The following CSMD1 variants were observed in gnomAD, a reference collection of about 807,000 sequenced individuals.
CSMD1 encodes CUB and sushi domain-containing protein 1.
Under a neutral mutation model 417.5 loss-of-function variants are expected in CSMD1, and 213 were observed. The ratio of observed to expected loss-of-function variants is 0.51; its 90% CI spans 0.46 to 0.57. CSMD1 has a LOEUF of 0.57. Ranked by LOEUF, CSMD1 falls within the 20% of genes least tolerant of loss-of-function variation. The pLI, the probability that CSMD1 is intolerant of heterozygous loss-of-function variation, is 0.00. For synonymous variants in CSMD1, 2,862 were observed against 1,736.8 expected (o/e 1.65, Z -16.11); for missense variants, 6,923 against 4,529.7 (o/e 1.53, Z -15.17).
intron 5 of CSMD1, among the ~76,000 whole-genome samples, chr8:3,950,175 C>T (rs1000041665): frequency 1.3e-5 from 2 of 152,158 alleles, no homozygotes; most frequent in Admixed American, 6.6e-5. Context: ...AGGTAAACCA[C>T]AAGACCCTAG....
intron 1 of CSMD1, among the ~76,000 whole-genome samples, chr8:4,916,621 T>C (rs1806083229): frequency 6.6e-6 from 1 of 152,218 alleles, no homozygotes; most frequent in African/African-American, 2.4e-5. Context: ...TTGGGGAAAC[T>C]CTGTAGTAAT....
At chr8:2,947,678 A>C (rs925765356) in intron 68 of CSMD1, among the ~76,000 whole-genome samples, 1 of 152,210 alleles carries the variant, frequency 6.6e-6, no homozygotes, top group Non-Finnish European at 1.5e-5. Context: ...GGTGTCCTTC[A>C]ACAAAATTAC....
intron 8 of CSMD1, among the ~76,000 whole-genome samples, chr8:3,594,990 A>G (rs777440814): frequency 5.3e-4 from 81 of 152,216 alleles, no homozygotes; most frequent in Non-Finnish European, 1.0e-3. Context: ...TTTAGGAAGA[A>G]AAACACAACC....
At chr8:4,328,333 C>A (rs145888930) in intron 3 of CSMD1, among the ~76,000 whole-genome samples, 1 of 148,012 alleles carries the variant, frequency 6.8e-6, no homozygotes. Flanking sequence ...ACTGTGCGGT[C>A]TGAGACTTCT....
intron 1 of CSMD1, among the ~76,000 whole-genome samples, chr8:4,699,254 T>C (rs1187450444): frequency 1.3e-5 from 2 of 152,198 alleles, no homozygotes; most frequent in Non-Finnish European, 2.9e-5. Context: ...AAAGAGTTTA[T>C]TCGCAATTAC....
intron 4 of CSMD1, among the ~76,000 whole-genome samples, chr8:4,005,901 T>C (rs1420713614): frequency 2.6e-5 from 4 of 152,214 alleles, no homozygotes; most frequent in Non-Finnish European, 4.4e-5. Context: ...CACTGGGAAT[T>C]GGCTTAGAAG....
At chr8:3,378,021 T>G in intron 18 of CSMD1, among the ~76,000 whole-genome samples, 1 of 152,192 alleles carries the variant, frequency 6.6e-6, no homozygotes, top group East Asian at 1.9e-4. Flanking sequence ...AGGCTGAGTG[T>G]GACCTGGTCT....
rs1366153481 is a variant in CSMD1 at position 3,796,569 on chromosome 8, A to G, written c.819-42527T>C. 1.1e-4 allele frequency among the ~76,000 whole-genome samples: 16 copies of G among 146,072 alleles called. No homozygotes were observed. In the East Asian group the frequency reaches 2.0e-3, roughly 18 times the overall value. ...ATCCATACATGATAGATATATATCT[A>G]TATCTAAGATATAATATATAGATAT... On this transcript the variant is annotated intron_variant, in intron 5 of 69. Transcript: ENST00000635120.
At chr8:3,762,550 G>C (rs1421255623) in intron 5 of CSMD1, among the ~76,000 whole-genome samples, 1 of 152,262 alleles carries the variant, frequency 6.6e-6, no homozygotes, top group African/African-American at 2.4e-5. Context: ...TGTAGCACAG[G>C]CGTGTAACTC....
intron 3 of CSMD1, among the ~76,000 whole-genome samples, chr8:4,036,404 T>G (rs568798926): frequency 6.6e-6 from 1 of 152,328 alleles, no homozygotes; most frequent in Admixed American, 6.5e-5. Flanking sequence ...TAGAAATGTA[T>G]TGACTTACAT....
At chr8:3,288,036 C>A (rs570479022) in intron 25 of CSMD1, among the ~76,000 whole-genome samples, 1 of 147,242 alleles carries the variant, frequency 6.8e-6, no homozygotes, top group Non-Finnish European at 1.5e-5. Flanking sequence ...TTGTCAAAGG[C>A]CTTTTCTGCA....
At chr8:3,763,903 C>G (rs1238394987) in intron 5 of CSMD1, among the ~76,000 whole-genome samples, 1 of 152,162 alleles carries the variant, frequency 6.6e-6, no homozygotes, top group Non-Finnish European at 1.5e-5. Context: ...TGCCTTATCT[C>G]CTTATCTTAA....
intron 5 of CSMD1, among the ~76,000 whole-genome samples, chr8:3,954,056 G>T (rs561263790): frequency 6.6e-6 from 1 of 152,264 alleles, no homozygotes; most frequent in African/African-American, 2.4e-5. Flanking sequence ...GGGAGCTCCT[G>T]TCCCCGGGAC....
At chr8:3,330,264 T>A (rs2117534730) in intron 23 of CSMD1, among the ~76,000 whole-genome samples, 1 of 152,298 alleles carries the variant, frequency 6.6e-6, no homozygotes, top group South Asian at 2.1e-4. Flanking sequence ...CAGAGGAACA[T>A]AAACTGTTCT....
chr8:4,014,675 T>C (rs1157036196), intron 4 of CSMD1, among the ~76,000 whole-genome samples: 1 of 152,218 alleles, frequency 6.6e-6, no homozygotes, highest in East Asian at 1.9e-4. Context: ...GTCTGAGCTG[T>C]GCCAACTTGT....
intron 12 of CSMD1, among the ~76,000 whole-genome samples, chr8:3,426,986 G>C (rs1162795973): frequency 6.6e-6 from 1 of 152,162 alleles, no homozygotes; most frequent in African/African-American, 2.4e-5. Flanking sequence ...TCACAAGGCG[G>C]CATGAAGGAG....
intron 3 of CSMD1, among the ~76,000 whole-genome samples, chr8:4,193,999 C>T (rs947920543): frequency 6.6e-6 from 1 of 151,838 alleles, no homozygotes; most frequent in Admixed American, 6.6e-5. Context: ...ACTATATATC[C>T]CCTTCATAAT....
rs186024617 is a variant in CSMD1 at position 3,510,912 on chromosome 8, G to A, written c.1345-17186C>T. Among the ~76,000 whole-genome samples the A allele has an allele frequency of 4.0e-5, 6 of 151,764 alleles. 1 individual carries two copies. Among genetic ancestry groups the A allele is most frequent in the East Asian group, 3.9e-4 (2 of 5,172 alleles). ...TGTAGGTTCTGGATATTAGCCCTTC[G>A]TCAGAGATACATGCACACGTATGTT... On this transcript the variant is annotated intron_variant, in intron 10 of 69. Transcript: ENST00000635120.
At chr8:3,881,327 T>A (rs1406501425) in intron 5 of CSMD1, among the ~76,000 whole-genome samples, 1 of 151,014 alleles carries the variant, frequency 6.6e-6, no homozygotes, top group Non-Finnish European at 1.5e-5. Context: ...GAAGACTGAA[T>A]ATATAGATAT....
Sources: allele counts gnomAD v4.1 joint callset (sites outside exome capture counted in the v4.1 genomes callset), GRCh38; gene constraint gnomAD v4.1.1; transcripts MANE v1.5; gene names NCBI Gene and HGNC (gene_info 2026-07-23, HGNC 2026-07-21).